The following PAXBP1 variants were observed in gnomAD, a reference collection of about 807,000 sequenced individuals.
The protein encoded by PAXBP1 is PAX3 and PAX7 binding protein 1.
A neutral mutation model predicts 119.9 loss-of-function variants in PAXBP1; 44 were observed. That is an observed-to-expected ratio of 0.37 (90% confidence interval 0.29 to 0.47). The LOEUF (loss-of-function observed/expected upper bound fraction) is 0.47, where lower values mean the gene tolerates loss of function less well. PAXBP1 is among the 20% of genes least tolerant of loss of function. The probability of loss-of-function intolerance (pLI) is 0.99; values close to 1 mark genes in which losing one functional copy is unlikely to be tolerated. For missense variants in PAXBP1, 898 were observed against 1,134.1 expected (o/e 0.79, Z 2.99); for synonymous variants, 393 against 406.6 (o/e 0.97, Z 0.40).
At chr21:32,754,332 A>G (rs1210712257) in intron 8 of PAXBP1, among the ~76,000 whole-genome samples, 1 of 152,244 alleles carries the variant, frequency 6.6e-6, no homozygotes, top group Non-Finnish European at 1.5e-5. Context: ...ATAGAACCAG[A>G]AAATCTGTAT....
chr21:32,738,446 A>G, intron 15 of PAXBP1, 127 bp from the exon 16 acceptor site: 7 of 713,346 alleles, frequency 9.8e-6, no homozygotes, highest in South Asian at 1.9e-5. Context: ...AGAAATATTA[A>G]TACTTTCAAA....
Position 32,734,731 on chromosome 21 carries a change from A to C in PAXBP1, c.*219T>G. 1.8e-6 allele frequency: 1 copy of C among 559,170 alleles called. No homozygotes were observed. The highest frequency in any genetic ancestry group is 2.1e-5 in the South Asian group (1 of 46,710). The allele number at this position is 559,170 out of a possible 1,614,324, so 34.6% of individuals were successfully genotyped here. Reference sequence around the variant, plus strand: ...ACCATACAAAATACTTCAGTAAACAAAGTATGACAGGCAGTAAAGAAAACA... The same window carrying C: ...ACCATACAAAATACTTCAGTAAACACAGTATGACAGGCAGTAAAGAAAACA... On this transcript the variant is annotated 3_prime_UTR_variant, in exon 18 of 18. Transcript: ENST00000331923.
chr21:32,743,540 T>C, intron 14 of PAXBP1, 138 bp downstream of exon 14: 1 of 744,064 alleles, frequency 1.3e-6, no homozygotes, highest in Non-Finnish European at 2.3e-6. Context: ...AAGGGAACAA[T>C]CTCGCCACTA....
At chr21:32,745,792 C>T (rs188193280) in intron 11 of PAXBP1, 74 bp from the exon 12 acceptor site, 9 of 1,561,806 alleles carry the variant, frequency 5.8e-6, no homozygotes, top group Non-Finnish European at 7.9e-6. Flanking sequence ...ATAAGAGAAA[C>T]AAGAACTGGA....
intron 7 of PAXBP1, among the ~76,000 whole-genome samples, chr21:32,757,569 C>T (rs2044063745): frequency 6.6e-6 from 1 of 152,158 alleles, no homozygotes; most frequent in South Asian, 2.1e-4. Flanking sequence ...CAATTAAAAA[C>T]TATAAACTAG....
chr21:32,738,786 T>G (rs927831177), intron 15 of PAXBP1, among the ~76,000 whole-genome samples: 8 of 152,054 alleles, frequency 5.3e-5, no homozygotes, highest in Non-Finnish European at 1.2e-4. Context: ...CTACCCAAGC[T>G]CAATCAATAT....
At chr21:32,766,049 C>T (rs1019949964) in intron 2 of PAXBP1, among the ~76,000 whole-genome samples, 2 of 152,150 alleles carry the variant, frequency 1.3e-5, no homozygotes, top group African/African-American at 2.4e-5. Context: ...GCAGGAGAAT[C>T]GCTTGAACCC....
At chr21:32,737,117 G>T in intron 17 of PAXBP1, 137 bp downstream of exon 17, 1 of 671,626 alleles carries the variant, frequency 1.5e-6, no homozygotes, top group Non-Finnish European at 2.2e-6. Flanking sequence ...AAAATTATGT[G>T]CATTTTTGGT....
intron 9 of PAXBP1, 22 bp downstream of exon 9, chr21:32,751,097 G>C (rs765280695): frequency 6.2e-7 from 1 of 1,613,248 alleles, no homozygotes; most frequent in South Asian, 1.1e-5. Context: ...AAACAAGCCA[G>C]AGCAAGGGTT....
chr21:32,762,281 C>T lies in PAXBP1; in HGVS notation c.686G>A (p.Arg229Lys), dbSNP rs1215135404. The T allele has an allele frequency of 6.2e-7, 1 of 1,614,070 alleles. No individual in the cohort carries two copies. The highest frequency in any genetic ancestry group is 8.5e-7 in the Non-Finnish European group (1 of 1,180,006). ...TTCTCGGGCCATTTGGCGCTTTTTC[C>T]TTGCAGCATGTATAAAAGCTGCATC... The part of the protein sequence containing the change: ...IPDAAFIHAA[R>K]KKRQMARELG... The change falls in exon 4 of 18, where the codon AGG becomes AAG. Residue 229 changes from arginine to lysine, a missense_variant. Coordinates refer to ENST00000331923, the MANE Select transcript of PAXBP1 (RefSeq NM_016631.4).
chr21:32,759,053 A>G, intron 7 of PAXBP1, 27 bp downstream of exon 7: 1 of 1,609,096 alleles, frequency 6.2e-7, no homozygotes, highest in South Asian at 1.1e-5. Context: ...GCCTTATTCA[A>G]AGAGATTAGT....
At chr21:32,745,048 C>G in intron 12 of PAXBP1, 135 bp from the exon 13 acceptor site, 1 of 948,714 alleles carries the variant, frequency 1.1e-6, no homozygotes, top group Non-Finnish European at 1.5e-6. Context: ...TCTTCTTTGT[C>G]CTATTAACTG....
intron 1 of PAXBP1, among the ~76,000 whole-genome samples, chr21:32,770,145 G>T (rs2044310667): frequency 6.6e-6 from 1 of 152,040 alleles, no homozygotes; most frequent in Non-Finnish European, 1.5e-5. Flanking sequence ...TGAGATTTTT[G>T]AGACTTTTTA....
In PAXBP1 at chr21:32,764,542, T is replaced by G; in HGVS notation, c.473-18A>C. On this transcript the variant is annotated intron_variant, in intron 2 of 17. Coordinates refer to ENST00000331923, the MANE Select transcript of PAXBP1 (RefSeq NM_016631.4). The stretch of plus-strand genomic sequence containing the variant: ...TTGTTCACCTAAATTTTTGAAGAAT[T>G]AAAATATATGTAAAATAAAATTCAT... 6.5e-7 allele frequency: 1 copy of G among 1,532,398 alleles called. No individual in the cohort carries two copies. The highest frequency in any genetic ancestry group is 8.8e-7 in the Non-Finnish European group (1 of 1,132,306). The allele number at this position is 1,532,398 out of a possible 1,614,324, so 94.9% of individuals were successfully genotyped here. A position where few individuals can be genotyped will look rare whatever the true frequency, so the allele number is the denominator to read the frequency against.
At chr21:32,743,941 C>T (rs551742157) in intron 13 of PAXBP1, among the ~76,000 whole-genome samples, 187 bp from the exon 14 acceptor site, 2 of 152,188 alleles carry the variant, frequency 1.3e-5, no homozygotes, top group South Asian at 4.2e-4. Flanking sequence ...CAACAACTGC[C>T]AAGCAATAAA....
chr21:32,763,970 A>G (rs2044195397), intron 3 of PAXBP1, among the ~76,000 whole-genome samples: 1 of 150,862 alleles, frequency 6.6e-6, no homozygotes, highest in Non-Finnish European at 1.5e-5. Context: ...CTGGGCAACA[A>G]AAGGGAAACT....
intron 4 of PAXBP1, 103 bp downstream of exon 4, chr21:32,761,993 T>C (rs1291501512): frequency 5.1e-6 from 6 of 1,173,342 alleles, no homozygotes; most frequent in East Asian, 2.4e-5. Context: ...TGAGCTATGA[T>C]TGTACCACTG....
At chr21:32,750,853 TAAAA>T in intron 10 of PAXBP1, 60 bp downstream of exon 10, 2 of 1,233,008 alleles carry the variant, frequency 1.6e-6, no homozygotes, top group East Asian at 2.3e-5. Flanking sequence ...CATTTCATGG[TAAAA>T]ACCATACCCA....
At chr21:32,739,772 G>A (rs2043749548) in intron 15 of PAXBP1, among the ~76,000 whole-genome samples, 1 of 151,256 alleles carries the variant, frequency 6.6e-6, no homozygotes, top group Non-Finnish European at 1.5e-5. Flanking sequence ...CGGGCGTGGT[G>A]GTGGGCGCCT....
Sources: allele counts gnomAD v4.1 joint callset (sites outside exome capture counted in the v4.1 genomes callset), GRCh38; gene constraint gnomAD v4.1.1; transcripts MANE v1.5; gene names NCBI Gene and HGNC (gene_info 2026-07-23, HGNC 2026-07-21).